The following SGCD variants were observed in gnomAD, a reference collection of about 807,000 sequenced individuals.
The protein encoded by SGCD is delta-sarcoglycan.
In SGCD, 18 loss-of-function variants were observed where a neutral mutation model predicts 36.6. That is an observed-to-expected ratio of 0.49 (90% CI 0.34 to 0.73). The LOEUF is 0.73. Among genes scored for constraint, SGCD ranks in the 30% least tolerant of loss-of-function variants. The probability of loss-of-function intolerance (pLI) is 0.01; values close to 1 mark genes in which losing one functional copy is unlikely to be tolerated. For synonymous variants in SGCD, 133 were observed against 130.6 expected (o/e 1.02, Z -0.12); for missense variants, 387 against 346.7 (o/e 1.12, Z -0.92).
At chr5:156,101,931 TGTGTGTGTGTGA>T (rs1436400901) in intron 1 of SGCD, among the ~76,000 whole-genome samples, 23 of 150,286 alleles carry the variant, frequency 1.5e-4, no homozygotes, top group African/African-American at 5.4e-4. Context: ...TGTGTGTGTG[TGTGTGTGTGTGA>T]GAGAGAGAGA....
Position 156,239,087 on chromosome 5 carries a change from A to C in SGCD, c.-43-90447A>C, listed in dbSNP as rs562974461. ...TTGGGTCTGGGTCCCGTGGCGCATC[A>C]GTAATTTGGGAGTAAAGAATCAGAT... On this transcript the variant is annotated intron_variant, in intron 3 of 9. Coordinates refer to the SGCD transcript ENST00000517913. Among the ~76,000 whole-genome samples the C allele has an allele frequency of 4.6e-5, 7 of 152,170 alleles. No individual in the cohort carries two copies. In the South Asian group the frequency reaches 1.5e-3, roughly 32 times the overall value.
chr5:156,676,113 G>A (rs113172722), intron 7 of SGCD, among the ~76,000 whole-genome samples: 3,188 of 152,296 alleles, frequency 0.021, 96 homozygotes, highest in African/African-American at 0.071. Context: ...ATCCAAGAGA[G>A]TGTCCATTTA....
At chr5:156,138,520 T>C (rs926415818) in intron 3 of SGCD, among the ~76,000 whole-genome samples, 3 of 152,252 alleles carry the variant, frequency 2.0e-5, no homozygotes, top group African/African-American at 7.2e-5. Flanking sequence ...TTGTCTTGTG[T>C]AAAAGTAGGT....
At chr5:155,881,707 G>A (rs764841946) in intron 1 of SGCD, among the ~76,000 whole-genome samples, 1 of 152,200 alleles carries the variant, frequency 6.6e-6, no homozygotes, top group Non-Finnish European at 1.5e-5. Context: ...TTTACCCACA[G>A]TAAATCTTCT....
intron 3 of SGCD, among the ~76,000 whole-genome samples, chr5:156,221,109 G>A (rs1764706900): frequency 6.6e-6 from 1 of 152,114 alleles, no homozygotes; most frequent in East Asian, 1.9e-4. Flanking sequence ...ATATAATGCT[G>A]TAATAGGTAC....
At position 155,974,065 on chromosome 5, in the gene SGCD, C is replaced by A. The variant is rs185623699; in HGVS notation, c.-282+103641C>A. Among the ~76,000 whole-genome samples, 17 of 152,220 alleles carry A rather than the reference C, an allele frequency of 1.1e-4. No homozygotes were observed. In the East Asian group the frequency reaches 3.1e-3, roughly 28 times the overall value. ...ATTCATGCTGTCTGTTAAAGTAGCC[C>A]AACTTTTCATTTTTATTTTATCTTC... is the stretch of plus-strand genomic sequence containing the variant. On this transcript the variant is annotated intron_variant, in intron 1 of 9. Transcript: ENST00000517913.
intron 4 of SGCD, among the ~76,000 whole-genome samples, chr5:156,563,346 G>A (rs921899902): frequency 6.6e-6 from 1 of 152,064 alleles, no homozygotes; most frequent in Non-Finnish European, 1.5e-5. Flanking sequence ...TCATGAGATA[G>A]GTATAATCAT....
chr5:156,544,290 A>G (rs779431596), intron 4 of SGCD, among the ~76,000 whole-genome samples: 8 of 152,160 alleles, frequency 5.3e-5, no homozygotes, highest in South Asian at 2.1e-4. Flanking sequence ...GTAATTTCCT[A>G]TGGGAACTTT....
intron 2 of SGCD, among the ~76,000 whole-genome samples, chr5:156,334,689 A>G (rs750331632): frequency 9.1e-5 from 13 of 142,326 alleles, no homozygotes; most frequent in Non-Finnish European, 1.6e-4. Flanking sequence ...TGACATAAAT[A>G]TAATATTCGC....
At chr5:156,337,624 C>T (rs1424142169) in intron 2 of SGCD, among the ~76,000 whole-genome samples, 2 of 152,140 alleles carry the variant, frequency 1.3e-5, no homozygotes, top group East Asian at 1.9e-4. Context: ...CAGAGTGGTT[C>T]ACCTTCTATT....
chr5:156,192,433 T>C (rs1168800417), intron 3 of SGCD, among the ~76,000 whole-genome samples: 1 of 152,010 alleles, frequency 6.6e-6, no homozygotes, highest in Non-Finnish European at 1.5e-5. Flanking sequence ...GATCTCATGG[T>C]GATAGAGAGT....
At chr5:156,249,527 A>G (rs1334410200) in intron 3 of SGCD, among the ~76,000 whole-genome samples, 1 of 152,202 alleles carries the variant, frequency 6.6e-6, no homozygotes, top group Non-Finnish European at 1.5e-5. Context: ...TGACACTCAC[A>G]GATTTCAAGA....
intron 3 of SGCD, among the ~76,000 whole-genome samples, chr5:156,161,628 CT>C (rs1763088884): frequency 6.6e-6 from 1 of 151,800 alleles, no homozygotes; most frequent in African/African-American, 2.4e-5. Flanking sequence ...ATGTTAACTT[CT>C]TAGTCACTGC....
At chr5:156,006,720 C>G (rs936089599) in intron 1 of SGCD, among the ~76,000 whole-genome samples, 4 of 152,134 alleles carry the variant, frequency 2.6e-5, no homozygotes, top group Non-Finnish European at 5.9e-5. Flanking sequence ...TGGGTGGATT[C>G]TATTTTATTC....
intron 7 of SGCD, among the ~76,000 whole-genome samples, chr5:156,719,372 A>G (rs1457549587): frequency 1.4e-5 from 2 of 148,016 alleles, no homozygotes; most frequent in Admixed American, 1.3e-4. Flanking sequence ...ATCTCATCAT[A>G]TATTATAGAT....
chr5:155,973,418 T>A lies in SGCD; in HGVS notation c.-282+102994T>A, dbSNP rs570936234. ...TGGCTAAGTCGTGCCAGCACAAGTGTTAACTTCTTAGAAAGTTTCATGCTT... is the reference window on the plus strand; with the variant it reads ...TGGCTAAGTCGTGCCAGCACAAGTGATAACTTCTTAGAAAGTTTCATGCTT... On this transcript the variant is annotated intron_variant, in intron 1 of 9. Transcript: ENST00000517913. Among the ~76,000 whole-genome samples, 30 of 152,350 alleles carry A rather than the reference T, an allele frequency of 2.0e-4. No individual in the cohort carries two copies. The South Asian group carries it at 5.8e-3, about 29-fold the overall frequency.
chr5:156,035,375 G>A (rs1214273234), intron 1 of SGCD, among the ~76,000 whole-genome samples: 5 of 152,154 alleles, frequency 3.3e-5, no homozygotes, highest in Non-Finnish European at 7.3e-5. Flanking sequence ...GGAGGCTGTG[G>A]CGGGAGGATC....
chr5:156,203,806 G>A (rs1420640385), intron 3 of SGCD, among the ~76,000 whole-genome samples: 1 of 152,080 alleles, frequency 6.6e-6, no homozygotes, highest in Non-Finnish European at 1.5e-5. Context: ...AGATATTCAG[G>A]ATCTAGGCAG....
chr5:156,501,596 A>T (rs973725584), intron 3 of SGCD, among the ~76,000 whole-genome samples: 1 of 152,174 alleles, frequency 6.6e-6, no homozygotes, highest in African/African-American at 2.4e-5. Flanking sequence ...GATTCCACCT[A>T]CCTGTGCCCC....
Sources: allele counts gnomAD v4.1 joint callset (sites outside exome capture counted in the v4.1 genomes callset), GRCh38; gene constraint gnomAD v4.1.1; transcripts MANE v1.5; gene names NCBI Gene and HGNC (gene_info 2026-07-23, HGNC 2026-07-21).